SOX5: variants seen among roughly 807,000 people sequenced by gnomAD.
SOX5 encodes transcription factor SOX-5.
SOX5 carries 9 observed loss-of-function variants against 92.0 expected under a neutral mutation model. That is an observed-to-expected ratio of 0.10 (90% CI 0.06 to 0.17). SOX5 has a LOEUF of 0.17. SOX5 is among the 10% of genes least tolerant of loss of function. SOX5 has a pLI of 1.00. For synonymous variants in SOX5, 344 were observed against 336.3 expected (o/e 1.02, Z -0.25); for missense variants, 642 against 944.5 (o/e 0.68, Z 4.20).
At chr12:24,048,559 T>C (rs1957261964) in intron 4 of SOX5, among the ~76,000 whole-genome samples, 1 of 152,128 alleles carries the variant, frequency 6.6e-6, no homozygotes, top group Non-Finnish European at 1.5e-5. Flanking sequence ...ACCACATTAT[T>C]TATAATGTGA....
At chr12:23,608,019 C>G (rs1315420306) in intron 8 of SOX5, among the ~76,000 whole-genome samples, 1 of 147,514 alleles carries the variant, frequency 6.8e-6, no homozygotes, top group African/African-American at 2.5e-5. Context: ...CCTGTAACCT[C>G]AGCACTTTGG....
At chr12:24,207,053 G>A (rs1359130714) in intron 4 of SOX5, among the ~76,000 whole-genome samples, 1 of 152,194 alleles carries the variant, frequency 6.6e-6, no homozygotes, top group East Asian at 1.9e-4. Context: ...AAACTTCTCA[G>A]TAGTCATATG....
intron 8 of SOX5, among the ~76,000 whole-genome samples, chr12:23,609,899 TTTA>T (rs988526058): frequency 2.6e-5 from 4 of 152,152 alleles, no homozygotes; most frequent in Admixed American, 2.0e-4. Context: ...TTTCTTATAA[TTTA>T]TTATTATGTG....
At chr12:23,765,557 T>G (rs934731971) in intron 3 of SOX5, among the ~76,000 whole-genome samples, 5 of 151,966 alleles carry the variant, frequency 3.3e-5, no homozygotes, top group Admixed American at 1.3e-4. Context: ...TTACTTTTCC[T>G]GCATCACCAG....
At chr12:24,190,301 A>G (rs1276484126) in intron 4 of SOX5, among the ~76,000 whole-genome samples, 1 of 152,230 alleles carries the variant, frequency 6.6e-6, no homozygotes, top group Non-Finnish European at 1.5e-5. Context: ...TTGGACGCAT[A>G]CATATATATG....
At chr12:23,956,972 C>T (rs1946362187) in intron 4 of SOX5, among the ~76,000 whole-genome samples, 1 of 152,120 alleles carries the variant, frequency 6.6e-6, no homozygotes, top group South Asian at 2.1e-4. Flanking sequence ...CCGGCCATTG[C>T]CTAAGTCTTT....
At chr12:24,365,759 A>G (rs1193711492) in intron 2 of SOX5, among the ~76,000 whole-genome samples, 1 of 151,536 alleles carries the variant, frequency 6.6e-6, no homozygotes, top group East Asian at 2.0e-4. Context: ...AAGCTATTGA[A>G]TCAACATTAG....
intron 1 of SOX5, among the ~76,000 whole-genome samples, chr12:24,451,098 C>T (rs990367920): frequency 6.6e-6 from 1 of 152,176 alleles, no homozygotes; most frequent in African/African-American, 2.4e-5. Flanking sequence ...CCTCCAGTTC[C>T]ATCTATGTTG....
intron 4 of SOX5, among the ~76,000 whole-genome samples, chr12:24,026,208 G>T (rs994143599): frequency 6.6e-6 from 1 of 152,012 alleles, no homozygotes; most frequent in African/African-American, 2.4e-5. Flanking sequence ...GTAACCACGG[G>T]AGTGAAGGTT....
intron 3 of SOX5, among the ~76,000 whole-genome samples, chr12:23,791,902 T>G (rs1393771325): frequency 6.6e-6 from 1 of 151,914 alleles, no homozygotes; most frequent in Non-Finnish European, 1.5e-5. Flanking sequence ...TAGGTATCAC[T>G]TTTTAATTTT....
chr12:23,895,650 G>C, intron 2 of SOX5, 143 bp downstream of exon 2: 1 of 633,116 alleles, frequency 1.6e-6, no homozygotes, highest in Non-Finnish European at 2.8e-6. Context: ...CAAATTTAAA[G>C]AATTCTAAGA....
chr12:24,255,445 T>C (rs1367054724), intron 3 of SOX5, among the ~76,000 whole-genome samples: 1 of 152,190 alleles, frequency 6.6e-6, no homozygotes, highest in Non-Finnish European at 1.5e-5. Context: ...AGTACTACTC[T>C]ATGGCTGTAT....
intron 3 of SOX5, among the ~76,000 whole-genome samples, chr12:24,262,682 T>G (rs1246891972): frequency 6.6e-6 from 1 of 152,168 alleles, no homozygotes; most frequent in African/African-American, 2.4e-5. Context: ...GAGGGACTGA[T>G]GCATTTTCTC....
At chr12:23,758,262 A>G (rs531859389) in intron 3 of SOX5, among the ~76,000 whole-genome samples, 8 of 152,102 alleles carry the variant, frequency 5.3e-5, no homozygotes, top group African/African-American at 1.9e-4. Flanking sequence ...AACCAAATGA[A>G]GACTTAGATC....
intron 4 of SOX5, among the ~76,000 whole-genome samples, chr12:24,026,550 G>A (rs1954900453): frequency 7.1e-6 from 1 of 141,118 alleles, no homozygotes; most frequent in Admixed American, 7.5e-5. Context: ...TGGAGTTTGA[G>A]ACCAGCCTGG....
In SOX5 at chr12:24,560,612, A is replaced by C. The variant is rs956816925; in HGVS notation, c.-251+1717T>G. On this transcript the variant is annotated intron_variant, in intron 1 of 4. Transcript: ENST00000446891. Reference sequence around the variant, plus strand: ...GCATTTGAAACCAGATTCCTTCCCTATCTGAGCTAACAGCAATTCTCATAC... The same window carrying C: ...GCATTTGAAACCAGATTCCTTCCCTCTCTGAGCTAACAGCAATTCTCATAC... Among the ~76,000 whole-genome samples the C allele has an allele frequency of 6.6e-5, 10 of 152,338 alleles. No individual in the cohort carries two copies. The South Asian group carries it at 1.2e-3, about 19-fold the overall frequency.
intron 1 of SOX5, among the ~76,000 whole-genome samples, chr12:24,381,434 T>C (rs1957814307): frequency 1.3e-5 from 2 of 152,194 alleles, no homozygotes; most frequent in African/African-American, 4.8e-5. Context: ...TACACACATG[T>C]CTGTTACATC....
At chr12:24,225,999 G>T (rs1961866691) in intron 3 of SOX5, among the ~76,000 whole-genome samples, 1 of 152,144 alleles carries the variant, frequency 6.6e-6, no homozygotes, top group South Asian at 2.1e-4. Flanking sequence ...CAAGTCAGTA[G>T]GAATCAATCT....
chr12:23,813,922 G>A (rs1057425316), intron 3 of SOX5, among the ~76,000 whole-genome samples: 3 of 151,748 alleles, frequency 2.0e-5, no homozygotes, highest in African/African-American at 4.8e-5. Context: ...TGTCATATGC[G>A]GCAAAATAAG....
Sources: allele counts gnomAD v4.1 joint callset (sites outside exome capture counted in the v4.1 genomes callset), GRCh38; gene constraint gnomAD v4.1.1; transcripts MANE v1.5; gene names NCBI Gene and HGNC (gene_info 2026-07-23, HGNC 2026-07-21).